The following PLXNB2 variants were observed in gnomAD, a reference collection of about 807,000 sequenced individuals.
PLXNB2 encodes plexin-B2.
In PLXNB2, 85 loss-of-function variants were observed where a neutral mutation model predicts 202.6. The observed-to-expected ratio is 0.42, with a 90% CI of 0.35 to 0.50. The LOEUF is 0.50. Among genes scored for constraint, PLXNB2 ranks in the 20% least tolerant of loss-of-function variants. The pLI is 0.02. For synonymous variants in PLXNB2, 1,239 were observed against 1,137.6 expected (o/e 1.09, Z -1.79); for missense variants, 2,063 against 2,586.2 (o/e 0.80, Z 4.39).
Position 50,279,759 on chromosome 22 carries a change from G to A in PLXNB2, c.4260C>T (p.Pro1420=). 1 of 1,613,914 alleles carries A rather than the reference G, an allele frequency of 6.2e-7. No homozygotes were observed. The highest frequency in any genetic ancestry group is 8.5e-7 in the Non-Finnish European group (1 of 1,179,972). ...YQYLKDSAGE[P]LYKLFKAIKH... Reference sequence around the variant, plus strand: ...TGATGGCCTTGAAGAGCTTGTACAGGGGCTCCCCGGCACTGTCCTGGAGTA... The same window carrying A: ...TGATGGCCTTGAAGAGCTTGTACAGAGGCTCCCCGGCACTGTCCTGGAGTA... The change falls in exon 27 of 37, where the codon CCC becomes CCT. Residue 1420 remains proline, a synonymous_variant. Coordinates refer to ENST00000359337, the MANE Select transcript of PLXNB2 (RefSeq NM_012401.4).
At position 50,307,503 on chromosome 22, in the gene PLXNB2, C is replaced by CT. The variant is rs1481475212; in HGVS notation, c.-74+49_-74+50insA. ...GAGCGGCGCTGACGGCGAAGCCCCCCCCACGCCCAGCGAGACGTCCCCCGC... is the reference window on the plus strand; with the variant it reads ...GAGCGGCGCTGACGGCGAAGCCCCCCTCCACGCCCAGCGAGACGTCCCCCGC... On this transcript the variant is annotated intron_variant, in intron 1 of 36. Coordinates refer to ENST00000359337, the MANE Select transcript of PLXNB2 (RefSeq NM_012401.4). The CT allele has an allele frequency of 5.4e-6, 5 of 930,734 alleles. No homozygotes were observed. In the South Asian group the frequency reaches 2.0e-4, roughly 37 times the overall value. The allele number at this position is 930,734 out of a possible 1,614,324, so 57.7% of individuals were successfully genotyped here.
chr22:50,301,868 G>A (rs575909177), intron 1 of PLXNB2, among the ~76,000 whole-genome samples: 48 of 152,370 alleles, frequency 3.2e-4, no homozygotes, highest in Non-Finnish European at 5.9e-4. Flanking sequence ...TTGGGGCACC[G>A]CGCCAAGCCT....
intron 25 of PLXNB2, 137 bp downstream of exon 25, chr22:50,280,352 C>T (rs1035614572): frequency 6.2e-5 from 49 of 792,638 alleles, no homozygotes; most frequent in Admixed American, 5.9e-4. Context: ...ACCCCTAGAC[C>T]GCCCCCCACC....
Position 50,279,737 on chromosome 22 carries a change from T to C in PLXNB2, c.4282A>G (p.Ile1428Val). The change falls in exon 27 of 37, where the codon ATC (isoleucine) becomes GTC (valine). Residue 1428 changes from isoleucine (I) to valine (V), a missense_variant. Transcript: ENST00000359337. ...GEPLYKLFKAIKHQVEKGPVD... is the reference protein window; with the variant it reads ...GEPLYKLFKAVKHQVEKGPVD... ...GGGCCCTTTTCCACCTGATGTTTGA[T>C]GGCCTTGAAGAGCTTGTACAGGGGC... 3 of 1,614,014 alleles carry C rather than the reference T, an allele frequency of 1.9e-6. No individual in the cohort carries two copies. The highest frequency in any genetic ancestry group is 1.1e-5 in the South Asian group (1 of 91,078).
chr22:50,284,061 C>G lies in PLXNB2; in HGVS notation c.2263+71G>C. 6.5e-7 allele frequency: 1 copy of G among 1,530,484 alleles called. No homozygotes were observed. Among genetic ancestry groups the G allele is most frequent in the Non-Finnish European group, 8.8e-7 (1 of 1,141,096 alleles). The allele number at this position is 1,530,484 out of a possible 1,614,324, so 94.8% of individuals were successfully genotyped here. On this transcript the variant is annotated intron_variant, in intron 13 of 36. Transcript: ENST00000359337. The surrounding 1 kb of genome is among the most constrained non-coding windows in gnomAD (Gnocchi z 8.0). ...CCCGACCTGCTCCCCACTGCGCCCA[C>G]CTGTCCCCCCACCCACCGCCTTGTG...
Position 50,282,694 on chromosome 22 carries a change from G to GCAGGGCACTGAGGAGGCAGCT in PLXNB2, c.2987+16_2987+17insAGCTGCCTCCTCAGTGCCCTG, listed in dbSNP as rs199880917. On this transcript the variant is annotated intron_variant, in intron 18 of 36. Transcript: ENST00000359337. ...GGGTGTGGGGAGCAGAGGGGGGCGG[G>GCAGGGCACTGAGGAGGCAGCT]GGGACACCAGCCTCACCTGGCAAAG... The GCAGGGCACTGAGGAGGCAGCT allele has an allele frequency of 3.5e-5, 55 of 1,575,798 alleles. No individual in the cohort carries two copies. The highest frequency in any genetic ancestry group is 1.4e-4 in the Admixed American group (8 of 57,080).
chr22:50,290,001 T>C lies in PLXNB2; in HGVS notation c.584A>G (p.Glu195Gly). 1 of 1,613,378 alleles carries C rather than the reference T, an allele frequency of 6.2e-7. No homozygotes were observed. Among genetic ancestry groups the C allele is most frequent in the Non-Finnish European group, 8.5e-7 (1 of 1,180,008 alleles). ...GTGGTCCGTGTAGGCTTCAAAGGCC[T>C]CCCTGCTGTCAGTCCGGTCCAACAG... is the stretch of plus-strand genomic sequence containing the variant. ...TRLLDRTDSREAFEAYTDHAT... is the reference protein window; with the variant it reads ...TRLLDRTDSRGAFEAYTDHAT... Residue 195 changes from glutamate (E) to glycine (G), a missense_variant, in exon 3 of 37, where the codon GAG (glutamate) becomes GGG (glycine). By Grantham distance (98) the Glu-to-Gly change is moderately conservative. Around this residue, in one of 2 missense-constraint regions of PLXNB2, gnomAD observed 1,303 missense variants for 1,476.8 expected, o/e 0.88. Coordinates refer to ENST00000359337, the MANE Select transcript of PLXNB2 (RefSeq NM_012401.4).
At chr22:50,305,604 C>G (rs891338838) in intron 1 of PLXNB2, among the ~76,000 whole-genome samples, 2 of 152,316 alleles carry the variant, frequency 1.3e-5, no homozygotes, top group East Asian at 1.9e-4. Context: ...TAGTCAGGAG[C>G]TGAATAGGGA....
In PLXNB2 at chr22:50,282,167, C is replaced by A; in HGVS notation, c.3117+17G>T. On this transcript the variant is annotated intron_variant, in intron 19 of 36. Coordinates refer to ENST00000359337, the MANE Select transcript of PLXNB2 (RefSeq NM_012401.4). ...CCCATGGGCCGGTGCCAGAGCTGAGCCCACGCCAGGACTGACCGTCATGGG... is the reference window on the plus strand; with the variant it reads ...CCCATGGGCCGGTGCCAGAGCTGAGACCACGCCAGGACTGACCGTCATGGG... 1 of 1,605,126 alleles carries A rather than the reference C, an allele frequency of 6.2e-7. No individual in the cohort carries two copies. The highest frequency in any genetic ancestry group is 2.2e-5 in the East Asian group (1 of 44,732).
chr22:50,285,014 T>A (rs2066319076), intron 11 of PLXNB2: 5 of 438,668 alleles, frequency 1.1e-5, no homozygotes, highest in South Asian at 9.0e-5. Flanking sequence ...CCTCCTCCAC[T>A]GCCTCTCTTC....
rs772083176 is a variant in PLXNB2, at chr22:50,284,558, G to A, written c.2181+15C>T. 6 of 1,597,490 alleles carry A rather than the reference G, an allele frequency of 3.8e-6. No homozygotes were observed. Among genetic ancestry groups the A allele is most frequent in the Non-Finnish European group, 5.1e-6 (6 of 1,169,106 alleles). Reference sequence around the variant, plus strand: ...TGGGGTCCAGCAGCCGAGCCGGCCTGCCCTGGAGCCGTACCTTTGGGGTCC... The same window carrying A: ...TGGGGTCCAGCAGCCGAGCCGGCCTACCCTGGAGCCGTACCTTTGGGGTCC... On this transcript the variant is annotated intron_variant, in intron 12 of 36. Coordinates refer to ENST00000359337, the MANE Select transcript of PLXNB2 (RefSeq NM_012401.4). The surrounding 1 kb of genome is among the most constrained non-coding windows in gnomAD (Gnocchi z 8.0).
intron 18 of PLXNB2, 22 bp downstream of exon 18, chr22:50,282,689 G>T: frequency 6.4e-7 from 1 of 1,558,946 alleles, no homozygotes; most frequent in East Asian, 2.3e-5. Flanking sequence ...AGCAGAGGGG[G>T]GCGGGGGGAC....
intron 2 of PLXNB2, among the ~76,000 whole-genome samples, chr22:50,292,255 G>A (rs1303520543): frequency 2.0e-5 from 3 of 150,082 alleles, no homozygotes; most frequent in Non-Finnish European, 4.4e-5. Context: ...GGAGAATCGC[G>A]TGAACCTGGG....
chr22:50,288,730 G>A lies in PLXNB2; in HGVS notation c.1380+13C>T, dbSNP rs1187719752. ...TTGGCCTAGAGTGCTCTCCGGGGCT[G>A]CGTCTGGCTCACCTTGTCCTGGGTC... On this transcript the variant is annotated intron_variant, in intron 5 of 36. Transcript: ENST00000359337. This position sits in a 1 kb window ranked among gnomAD's most constrained non-coding sequence, Gnocchi z 5.0. 4 of 1,612,496 alleles carry A rather than the reference G, an allele frequency of 2.5e-6. No homozygotes were observed. The East Asian group carries it at 8.9e-5, about 36-fold the overall frequency.
intron 23 of PLXNB2, 53 bp downstream of exon 23, chr22:50,281,036 C>T (rs1352059738): frequency 1.9e-6 from 3 of 1,600,594 alleles, no homozygotes; most frequent in East Asian, 4.5e-5. Context: ...ACGCTACACA[C>T]AGCATCCCCG....
At chr22:50,278,087 G>C (rs773153452) in intron 31 of PLXNB2, 30 bp downstream of exon 31, 3 of 1,601,880 alleles carry the variant, frequency 1.9e-6, no homozygotes, top group African/African-American at 1.3e-5. Context: ...GTGGCGGCCT[G>C]GTGCCGCCCA....
At chr22:50,298,252 G>A (rs1347121484) in intron 1 of PLXNB2, among the ~76,000 whole-genome samples, 1 of 152,234 alleles carries the variant, frequency 6.6e-6, no homozygotes, top group East Asian at 1.9e-4. Context: ...GAACTCCGAT[G>A]TAGGCCAAGG....
chr22:50,289,576 C>T lies in PLXNB2; in HGVS notation c.1009G>A (p.Ala337Thr). ...AAGGGCTTGTAGAAGATGTCACGGGCCTCCCGGGTGCCTGTGTAACAGGCG... is the reference window on the plus strand; with the variant it reads ...AAGGGCTTGTAGAAGATGTCACGGGTCTCCCGGGTGCCTGTGTAACAGGCG... ...RNACYTGTRE[A>T]RDIFYKPFHG... The change falls in exon 3 of 37, where the codon GCC becomes ACC. Residue 337 changes from alanine (A) to threonine (T), a missense_variant. Transcript: ENST00000359337. The surrounding 1 kb of genome is among the most constrained non-coding windows in gnomAD (Gnocchi z 8.0). The T allele has an allele frequency of 6.2e-7, 1 of 1,611,510 alleles. No individual in the cohort carries two copies. The highest frequency in any genetic ancestry group is 1.1e-5 in the South Asian group (1 of 91,080).
intron 1 of PLXNB2, among the ~76,000 whole-genome samples, chr22:50,306,917 C>A (rs574518047): frequency 5.1e-4 from 77 of 152,356 alleles, no homozygotes; most frequent in Non-Finnish European, 1.0e-3. Context: ...ACCAGGGGCG[C>A]TGGCAGGGCA....
Sources: gnomAD v4.1 joint callset for allele counts (sites outside exome capture counted in the v4.1 genomes callset) on GRCh38, gnomAD v4.1.1 for gene constraint, gnomAD v4.1.1 regional missense constraint, Gnocchi (gnomAD v3.1) non-coding constraint, MANE v1.5 for transcripts, NCBI Gene and HGNC (gene_info 2026-07-23, HGNC 2026-07-21) for gene names.